Variants in GSTCD observed in about 807,000 individuals in gnomAD.
The protein encoded by GSTCD is glutathione S-transferase C-terminal domain-containing protein.
GSTCD carries 44 observed loss-of-function variants against 68.3 expected under a neutral mutation model. The observed-to-expected ratio is 0.64, with a 90% CI of 0.51 to 0.83. GSTCD has a LOEUF of 0.83. Among genes scored for constraint, GSTCD ranks in the 40% least tolerant of loss-of-function variants. The pLI is 0.00. For missense variants in GSTCD, 739 were observed against 735.9 expected (o/e 1.00, Z -0.05); for synonymous variants, 273 against 255.2 (o/e 1.07, Z -0.67).
chr4:105,831,923 C>T (rs1029816230), intron 8 of GSTCD, among the ~76,000 whole-genome samples: 4 of 151,834 alleles, frequency 2.6e-5, no homozygotes, highest in East Asian at 1.9e-4. Flanking sequence ...GTGACAAGAG[C>T]GAAACTGCAT....
At chr4:105,828,665 AGAG>A (rs1723763784) in intron 8 of GSTCD, among the ~76,000 whole-genome samples, 1 of 152,204 alleles carries the variant, frequency 6.6e-6, no homozygotes, top group Non-Finnish European at 1.5e-5. Context: ...GTTATTGAGT[AGAG>A]GAGAAGGAAG....
chr4:105,741,333 A>T (rs1218144897), intron 5 of GSTCD, among the ~76,000 whole-genome samples: 1 of 152,196 alleles, frequency 6.6e-6, no homozygotes, highest in Non-Finnish European at 1.5e-5. Flanking sequence ...GTATACAAAG[A>T]TAGTAAAGAA....
At chr4:105,805,770 A>G (rs1230234066) in intron 5 of GSTCD, among the ~76,000 whole-genome samples, 2 of 152,116 alleles carry the variant, frequency 1.3e-5, no homozygotes, top group South Asian at 2.1e-4. Flanking sequence ...TCCCCTTGTT[A>G]TATGAGAATT....
chr4:105,735,411 G>C (rs1733425784), intron 5 of GSTCD, among the ~76,000 whole-genome samples: 1 of 152,218 alleles, frequency 6.6e-6, no homozygotes, highest in Non-Finnish European at 1.5e-5. Context: ...CTGCCTTGCA[G>C]TTCTATCTCA....
intron 10 of GSTCD, among the ~76,000 whole-genome samples, chr4:105,839,158 G>A (rs555045757): frequency 6.6e-6 from 1 of 152,170 alleles, no homozygotes; most frequent in Non-Finnish European, 1.5e-5. Context: ...AGAACTTTTA[G>A]TGTTCATGCT....
intron 5 of GSTCD, among the ~76,000 whole-genome samples, chr4:105,797,045 C>CGTGTGTGTGTGTGTGT (rs527275501): frequency 1.4e-5 from 2 of 140,324 alleles, no homozygotes; most frequent in African/African-American, 5.2e-5. Context: ...GACAGAGATA[C>CGTGTGTGTGTGTGTGT]ATGTGTGTGT....
chr4:105,845,443 A>G lies in GSTCD; in HGVS notation c.1768A>G (p.Lys590Glu). The stretch of plus-strand genomic sequence containing the variant: ...GATACCATTTGACTGTGTTTCAGGA[A>G]AACAGTGCATGTGCTTGGTGGATCT... Reference protein sequence around the residue: ...QLPPQRRLIGKQCMCLVDLDR... With the variant: ...QLPPQRRLIGEQCMCLVDLDR... Residue 590 changes from lysine (K) to glutamate (E), a missense_variant and splice_region_variant, in exon 12 of 12, where the codon AAA (lysine) becomes GAA (glutamate). Transcript: ENST00000515279. The G allele has an allele frequency of 6.2e-7, 1 of 1,614,100 alleles. No individual in the cohort carries two copies. The highest frequency in any genetic ancestry group is 8.5e-7 in the Non-Finnish European group (1 of 1,179,980).
chr4:105,734,684 A>G (rs779644960), intron 5 of GSTCD, among the ~76,000 whole-genome samples: 2 of 152,208 alleles, frequency 1.3e-5, no homozygotes, highest in African/African-American at 4.8e-5. Context: ...TCAACTCGTC[A>G]AAGTCATTCT....
intron 5 of GSTCD, among the ~76,000 whole-genome samples, chr4:105,735,689 C>G (rs538422501): frequency 1.3e-5 from 2 of 152,106 alleles, no homozygotes; most frequent in Admixed American, 1.3e-4. Context: ...GTCCTGCCCC[C>G]ACTGTCCGAC....
intron 7 of GSTCD, among the ~76,000 whole-genome samples, chr4:105,825,234 AT>A (rs1359833347): frequency 6.6e-6 from 1 of 151,918 alleles, no homozygotes; most frequent in African/African-American, 2.4e-5. Flanking sequence ...GGTTCAAGGG[AT>A]TCTCCTGCCT....
chr4:105,784,028 G>C (rs778133308), intron 5 of GSTCD, among the ~76,000 whole-genome samples: 4 of 152,210 alleles, frequency 2.6e-5, no homozygotes, highest in Non-Finnish European at 5.9e-5. Flanking sequence ...TCCTGTTATT[G>C]TTAATGGTGA....
rs751357433 is a variant in GSTCD, at chr4:105,842,111, T to G, written c.1742T>G (p.Leu581Arg). ...TTTGCAGACCAGACAGCTGTCCAGC[T>G]CCCACCCCAACGAAGGCTCATAGGT... is the stretch of plus-strand genomic sequence containing the variant. ...CRFADQTAVQ[L>R]PPQRRLIGKQ... is the part of the protein sequence containing the mutation. Residue 581 changes from leucine (L) to arginine (R), a missense_variant, in exon 11 of 12, where the codon CTC (leucine) becomes CGC (arginine). Leu to Arg is a moderately radical substitution (Grantham distance 102). Transcript: ENST00000515279. The G allele has an allele frequency of 3.7e-6, 6 of 1,613,894 alleles. No homozygotes were observed. In the South Asian group the frequency reaches 6.6e-5, roughly 18 times the overall value.
At chr4:105,830,095 A>G (rs959698671) in intron 8 of GSTCD, among the ~76,000 whole-genome samples, 2 of 152,186 alleles carry the variant, frequency 1.3e-5, no homozygotes, top group African/African-American at 2.4e-5. Context: ...TGGGGAGGAA[A>G]ACATCAAAGA....
intron 5 of GSTCD, among the ~76,000 whole-genome samples, chr4:105,769,422 T>A (rs1223989667): frequency 6.6e-6 from 1 of 152,168 alleles, no homozygotes. Flanking sequence ...AACCACATTT[T>A]ATGGATCTAC....
intron 8 of GSTCD, among the ~76,000 whole-genome samples, chr4:105,830,430 C>T (rs1179780771): frequency 6.6e-6 from 1 of 151,868 alleles, no homozygotes; most frequent in Non-Finnish European, 1.5e-5. Flanking sequence ...AAGAAAAATT[C>T]GACAGTCAAG....
chr4:105,719,488 G>A lies in GSTCD; in HGVS notation c.855G>A (p.Leu285=). 6.2e-7 allele frequency: 1 copy of A among 1,613,986 alleles called. No individual in the cohort carries two copies. Among genetic ancestry groups the A allele is most frequent in the African/African-American group, 1.3e-5 (1 of 75,020 alleles). The change falls in exon 3 of 12, where the codon CTG becomes CTA. Residue 285 remains leucine, a synonymous_variant. Coordinates refer to ENST00000515279, the MANE Select transcript of GSTCD (RefSeq NM_001370181.1). ...HVFAEGLYFT[L]ADIVLLPCIH... The stretch of plus-strand genomic sequence containing the variant: ...TTGCAGAAGGGCTTTACTTCACTCT[G>A]GCAGATATTGTGCTCTTGCCCTGTA...
chr4:105,818,635 A>T (rs150408351), intron 5 of GSTCD, among the ~76,000 whole-genome samples: 18 of 151,914 alleles, frequency 1.2e-4, no homozygotes, highest in South Asian at 6.2e-4. Flanking sequence ...TTTAATGGGT[A>T]CATTTGGAAG....
chr4:105,799,361 C>T (rs951360100), intron 5 of GSTCD, among the ~76,000 whole-genome samples: 7 of 152,112 alleles, frequency 4.6e-5, no homozygotes, highest in Admixed American at 6.6e-5. Context: ...TTGGCTAGCT[C>T]GTGCAAGAGG....
rs2149291980 is a variant in GSTCD, at chr4:105,847,094, T to C, written c.*1517T>C. On this transcript the variant is annotated 3_prime_UTR_variant, in exon 12 of 12. Transcript: ENST00000515279. ...AGAATATGGAAGCTTACCTAAATTCTTTTTCTGCCAGCCAACATTTTAAAA... is the reference window on the plus strand; with the variant it reads ...AGAATATGGAAGCTTACCTAAATTCCTTTTCTGCCAGCCAACATTTTAAAA... The C allele has an allele frequency of 6.6e-6, 1 of 152,306 alleles. No individual in the cohort carries two copies. 9.4% of individuals were successfully genotyped at this position (152,306 alleles called of 1,614,324 possible).
Sources: allele counts gnomAD v4.1 joint callset (sites outside exome capture counted in the v4.1 genomes callset), GRCh38; gene constraint gnomAD v4.1.1; transcripts MANE v1.5; gene names NCBI Gene and HGNC (gene_info 2026-07-23, HGNC 2026-07-21).